Variants in DPYD observed in about 807,000 individuals in gnomAD.
DPYD encodes dihydropyrimidine dehydrogenase [NADP(+)].
In DPYD, 109 loss-of-function variants were observed where a neutral mutation model predicts 116.2. The observed-to-expected ratio is 0.94, with a 90% confidence interval of 0.80 to 1.10. The LOEUF (loss-of-function observed/expected upper bound fraction) is 1.10, where lower values mean the gene tolerates loss of function less well. DPYD is among the 50% of genes least tolerant of loss of function. DPYD has a pLI of 0.00. For missense variants in DPYD, 1,302 were observed against 1,254.5 expected (o/e 1.04, Z -0.57); for synonymous variants, 440 against 432.0 (o/e 1.02, Z -0.23).
chr1:97,186,603 C>A (rs773650820), intron 20 of DPYD, among the ~76,000 whole-genome samples: 1 of 152,156 alleles, frequency 6.6e-6, no homozygotes, highest in African/African-American at 2.4e-5. Context: ...AAGCCCAGAA[C>A]TCTGGGAGGC....
chr1:97,918,575 C>A (rs79330900), intron 1 of DPYD, among the ~76,000 whole-genome samples: 2 of 152,154 alleles, frequency 1.3e-5, no homozygotes, highest in African/African-American at 4.8e-5. Flanking sequence ...ACCGTCAAAT[C>A]CTGATGTGAT....
intron 16 of DPYD, among the ~76,000 whole-genome samples, chr1:97,340,919 C>T (rs74682146): frequency 0.039 from 5,860 of 152,110 alleles, 162 homozygotes; most frequent in East Asian, 0.081. Context: ...TGGCAATTTC[C>T]CCCAAAATAG....
intron 20 of DPYD, among the ~76,000 whole-genome samples, chr1:97,140,937 A>G (rs1654169941): frequency 6.6e-6 from 1 of 152,154 alleles, no homozygotes; most frequent in Admixed American, 6.6e-5. Flanking sequence ...TTTTTTCCCA[A>G]TAATCAAGTA....
chr1:97,363,304 A>C (rs1245394405), intron 16 of DPYD, among the ~76,000 whole-genome samples: 2 of 152,198 alleles, frequency 1.3e-5, no homozygotes, highest in African/African-American at 4.8e-5. Flanking sequence ...AGGAAACAAC[A>C]GATGCTGGAG....
chr1:97,628,475 C>A (rs1252635997), intron 8 of DPYD, among the ~76,000 whole-genome samples: 3 of 152,028 alleles, frequency 2.0e-5, no homozygotes, highest in Admixed American at 6.6e-5. Context: ...ATGCCTTTGG[C>A]ATCATATATA....
chr1:97,663,906 T>C (rs1343543002), intron 8 of DPYD, among the ~76,000 whole-genome samples: 1 of 152,184 alleles, frequency 6.6e-6, no homozygotes. Flanking sequence ...TAGTCTAGGA[T>C]GAATGAATAG....
At chr1:97,906,128 A>T (rs1381078653) in intron 1 of DPYD, among the ~76,000 whole-genome samples, 1 of 152,024 alleles carries the variant, frequency 6.6e-6, no homozygotes, top group Non-Finnish European at 1.5e-5. Context: ...TTCAGCCAGG[A>T]CAGCCTTCCT....
chr1:97,542,428 C>T (rs1457804138), intron 12 of DPYD, among the ~76,000 whole-genome samples: 1 of 152,132 alleles, frequency 6.6e-6, no homozygotes, highest in African/African-American at 2.4e-5. Context: ...GGTCTGGGTA[C>T]CCCTCATGGA....
At chr1:97,813,036 A>T (rs1340762620) in intron 3 of DPYD, among the ~76,000 whole-genome samples, 2 of 152,184 alleles carry the variant, frequency 1.3e-5, no homozygotes, top group African/African-American at 4.8e-5. Flanking sequence ...ATAGACTTTC[A>T]TTTTGGTGGA....
chr1:97,281,856 C>A (rs1173730535), intron 18 of DPYD, among the ~76,000 whole-genome samples: 1 of 151,986 alleles, frequency 6.6e-6, no homozygotes, highest in African/African-American at 2.4e-5. Context: ...AAATTATCTA[C>A]CTCATCATTA....
At chr1:97,186,345 T>C (rs1177283268) in intron 20 of DPYD, among the ~76,000 whole-genome samples, 2 of 152,150 alleles carry the variant, frequency 1.3e-5, no homozygotes, top group African/African-American at 2.4e-5. Context: ...ACACGAGTAA[T>C]GTACATTGTA....
intron 18 of DPYD, chr1:97,295,338 T>C (rs1666457423): frequency 9.2e-6 from 1 of 108,632 alleles, no homozygotes; most frequent in African/African-American, 3.7e-5. Flanking sequence ...TGCAGAAATG[T>C]TGATCAATTT....
At chr1:97,552,227 C>A (rs1409929524) in intron 11 of DPYD, among the ~76,000 whole-genome samples, 1 of 152,018 alleles carries the variant, frequency 6.6e-6, no homozygotes, top group Non-Finnish European at 1.5e-5. Context: ...ACACTTCAGG[C>A]CTCATAAAAT....
chr1:97,179,408 G>A (rs1039682165), intron 20 of DPYD, among the ~76,000 whole-genome samples: 14 of 152,090 alleles, frequency 9.2e-5, no homozygotes, highest in Admixed American at 7.9e-4. Flanking sequence ...CAGCTCAGCT[G>A]GGCTGGGCTG....
chr1:97,386,564 T>C (rs1209443089), intron 14 of DPYD, among the ~76,000 whole-genome samples: 1 of 152,194 alleles, frequency 6.6e-6, no homozygotes, highest in African/African-American at 2.4e-5. Flanking sequence ...CTTGTTTCTA[T>C]GATTTAACAG....
chr1:97,482,588 G>C (rs1322388923), intron 13 of DPYD, among the ~76,000 whole-genome samples: 1 of 152,154 alleles, frequency 6.6e-6, no homozygotes, highest in Non-Finnish European at 1.5e-5. Flanking sequence ...ATCCAGGCCA[G>C]TTTCATTAGT....
chr1:97,359,156 C>T (rs943485323), intron 16 of DPYD, among the ~76,000 whole-genome samples: 6 of 151,924 alleles, frequency 3.9e-5, no homozygotes, highest in Admixed American at 2.0e-4. Flanking sequence ...ACGAGAACTA[C>T]GTGACACATG....
chr1:97,452,684 G>A (rs1191480335), intron 13 of DPYD, among the ~76,000 whole-genome samples: 1 of 152,044 alleles, frequency 6.6e-6, no homozygotes, highest in Non-Finnish European at 1.5e-5. Context: ...TCATGATAAT[G>A]AGTGAGTTCT....
intron 2 of DPYD, among the ~76,000 whole-genome samples, chr1:97,874,338 A>G (rs1671799773): frequency 6.6e-6 from 1 of 151,996 alleles, no homozygotes; most frequent in Non-Finnish European, 1.5e-5. Flanking sequence ...CTTTGTGTAC[A>G]TTAAACATAT....
Sources: allele counts gnomAD v4.1 joint callset (sites outside exome capture counted in the v4.1 genomes callset), GRCh38; gene constraint gnomAD v4.1.1; transcripts MANE v1.5; gene names NCBI Gene and HGNC (gene_info 2026-07-23, HGNC 2026-07-21).